The following GALNT13 variants were observed in gnomAD, a reference collection of about 807,000 sequenced individuals.
The protein encoded by GALNT13 is UDP-GalNAc:polypeptide N-acetylgalactosaminyltransferase 13.
In GALNT13, 28 loss-of-function variants were observed where a neutral mutation model predicts 64.2. That is an observed-to-expected ratio of 0.44 (90% CI 0.32 to 0.60). The LOEUF (loss-of-function observed/expected upper bound fraction) is 0.60. Among genes scored for constraint, GALNT13 ranks in the 20% least tolerant of loss-of-function variants. The probability of loss-of-function intolerance (pLI) is 0.05; values close to 1 mark genes in which losing one functional copy is unlikely to be tolerated. For missense variants in GALNT13, 577 were observed against 669.8 expected, an observed-to-expected ratio of 0.86 and a Z score of 1.53; for synonymous variants, 214 against 224.6, an observed-to-expected ratio of 0.95 and a Z score of 0.42.
chr2:153,125,423 A>G, the GALNT13 span, among the ~76,000 whole-genome samples: 1 of 152,236 alleles, frequency 6.6e-6, no homozygotes, highest in South Asian at 2.1e-4. Flanking sequence ...CTTTTATACA[A>G]TCAATGGGTC....
chr2:154,073,402 T>C (rs992120847), intron 3 of GALNT13, among the ~76,000 whole-genome samples: 2 of 151,970 alleles, frequency 1.3e-5, no homozygotes, highest in African/African-American at 4.8e-5. Flanking sequence ...AACAAGTAAC[T>C]ATTTATTGCC....
the GALNT13 span, among the ~76,000 whole-genome samples, chr2:153,173,779 A>T: frequency 6.6e-6 from 1 of 152,162 alleles, no homozygotes; most frequent in African/African-American, 2.4e-5. Flanking sequence ...TATCAAATCA[A>T]AGTCTCAAAT....
At chr2:153,266,422 C>T in the GALNT13 span, among the ~76,000 whole-genome samples, 1 of 152,062 alleles carries the variant, frequency 6.6e-6, no homozygotes, top group African/African-American at 2.4e-5. Flanking sequence ...CATTTTCACA[C>T]TGCTATAAGG....
chr2:153,478,858 G>A, the GALNT13 span: 1 of 377,822 alleles, frequency 2.6e-6, no homozygotes, highest in Admixed American at 4.7e-5. Context: ...CCCGGCCGTG[G>A]GAGGTGCGGG....
chr2:154,058,401 G>A (rs970612708), intron 3 of GALNT13, among the ~76,000 whole-genome samples: 2 of 152,138 alleles, frequency 1.3e-5, no homozygotes, highest in African/African-American at 4.8e-5. Flanking sequence ...CATAAATAAG[G>A]TTAATATAAC....
At chr2:154,244,275 A>AGTC (rs1269170888) in intron 6 of GALNT13, among the ~76,000 whole-genome samples, 4 of 152,168 alleles carry the variant, frequency 2.6e-5, no homozygotes, top group African/African-American at 9.7e-5. Context: ...CTAAATAGAC[A>AGTC]GTCTGTTCAA....
chr2:153,985,726 C>T lies in GALNT13; in HGVS notation c.142+41087C>T, dbSNP rs139577769. On this transcript the variant is annotated intron_variant, in intron 3 of 12. Coordinates refer to ENST00000392825, the MANE Select transcript of GALNT13 (RefSeq NM_052917.4). ...GAAAATGAAGAGCTGACCCCAACCA[C>T]TGCTTGACATCACATGAAAACATGT... is the stretch of plus-strand genomic sequence containing the variant. 8.5e-5 allele frequency among the ~76,000 whole-genome samples: 13 copies of T among 152,158 alleles called. No individual in the cohort carries two copies. The East Asian group carries it at 2.1e-3, about 25-fold the overall frequency.
rs1305713913 is a variant in GALNT13 at position 153,905,694 on chromosome 2, A to C, written c.-105+4687A>C. Among the ~76,000 whole-genome samples, 5 of 151,986 alleles carry C rather than the reference A, an allele frequency of 3.3e-5. No individual in the cohort carries two copies. In the East Asian group the frequency reaches 9.6e-4, roughly 29 times the overall value. The stretch of plus-strand genomic sequence containing the variant: ...TCTTTCTTCACAATTTCAAGGACAG[A>C]AGAAGCATTCTTACCATAGAGCTTA... On this transcript the variant is annotated intron_variant, in intron 2 of 12. Transcript: ENST00000392825.
intron 11 of GALNT13, among the ~76,000 whole-genome samples, chr2:154,412,179 TCTAA>T: frequency 6.6e-6 from 1 of 151,896 alleles, no homozygotes; most frequent in Middle Eastern, 3.4e-3. Context: ...CTCCTGTAAC[TCTAA>T]CAAATACAGA....
At chr2:154,393,914 TA>T (rs1285147773) in intron 9 of GALNT13, among the ~76,000 whole-genome samples, 22 of 149,604 alleles carry the variant, frequency 1.5e-4, no homozygotes, top group Admixed American at 5.3e-4. Context: ...CCGTCTCTAC[TA>T]AAAATACAAA....
intron 3 of GALNT13, among the ~76,000 whole-genome samples, chr2:154,009,076 T>A (rs1230132525): frequency 6.6e-6 from 1 of 152,104 alleles, no homozygotes; most frequent in African/African-American, 2.4e-5. Flanking sequence ...TATAGTATAG[T>A]GTAAGGAAGG....
the GALNT13 span, among the ~76,000 whole-genome samples, chr2:153,238,025 T>C: frequency 3.3e-5 from 5 of 152,078 alleles, no homozygotes; most frequent in African/African-American, 1.2e-4. Context: ...TAAAAAACCA[T>C]TTTAACTGGG....
At chr2:154,107,006 G>A (rs1198287132) in intron 3 of GALNT13, among the ~76,000 whole-genome samples, 1 of 150,958 alleles carries the variant, frequency 6.6e-6, no homozygotes, top group Non-Finnish European at 1.5e-5. Context: ...TAGTTCCCAG[G>A]ACAGCTGGTT....
At chr2:153,204,476 T>C in the GALNT13 span, among the ~76,000 whole-genome samples, 1 of 152,176 alleles carries the variant, frequency 6.6e-6, no homozygotes, top group Non-Finnish European at 1.5e-5. Flanking sequence ...TTATACTTAC[T>C]GGCTTTTCTT....
At chr2:153,547,240 T>C in the GALNT13 span, among the ~76,000 whole-genome samples, 1 of 152,368 alleles carries the variant, frequency 6.6e-6, no homozygotes, top group South Asian at 2.1e-4. Context: ...TCCAGACTAT[T>C]GTTTTCTAAT....
At chr2:154,383,502 T>G (rs897583286) in intron 9 of GALNT13, among the ~76,000 whole-genome samples, 16 of 152,012 alleles carry the variant, frequency 1.1e-4, no homozygotes, top group African/African-American at 3.9e-4. Flanking sequence ...TTCCATAATA[T>G]AATCTCAGAT....
At chr2:154,048,353 C>G (rs1558929717) in intron 3 of GALNT13, among the ~76,000 whole-genome samples, 4 of 152,086 alleles carry the variant, frequency 2.6e-5, no homozygotes, top group Admixed American at 1.3e-4. Flanking sequence ...AACCATATCA[C>G]CAGACATTGC....
chr2:153,720,163 G>T, the GALNT13 span, among the ~76,000 whole-genome samples: 2 of 142,428 alleles, frequency 1.4e-5, no homozygotes, highest in African/African-American at 5.3e-5. Flanking sequence ...CCTGACCCCC[G>T]AGCAGCCTAA....
chr2:154,024,360 C>G (rs942191044), intron 3 of GALNT13, among the ~76,000 whole-genome samples: 19 of 152,188 alleles, frequency 1.2e-4, no homozygotes, highest in African/African-American at 4.3e-4. Context: ...GGTCTTTTCA[C>G]ATAGTCCCAT....
Sources: gnomAD v4.1 joint callset for allele counts (sites outside exome capture counted in the v4.1 genomes callset) on GRCh38, gnomAD v4.1.1 for gene constraint, MANE v1.5 for transcripts, NCBI Gene and HGNC (gene_info 2026-07-23, HGNC 2026-07-21) for gene names.